GNL3L: variants seen among roughly 807,000 people sequenced by gnomAD.
The protein encoded by GNL3L is guanine nucleotide-binding protein-like 3-like protein.
GNL3L carries 4 observed loss-of-function variants against 42.9 expected under a neutral mutation model. The ratio of observed to expected loss-of-function variants is 0.09; its 90% CI spans 0.05 to 0.21. The LOEUF is 0.21. Ranked by LOEUF, GNL3L falls within the 10% of genes least tolerant of loss-of-function variation. GNL3L has a pLI of 1.00. For missense variants in GNL3L, 412 were observed against 481.7 expected, an observed-to-expected ratio of 0.86 and a Z score of 1.36; for synonymous variants, 159 against 176.3, an observed-to-expected ratio of 0.90 and a Z score of 0.78.
chrX:54,569,563 A>G (rs1370010828), downstream of GNL3L, among the ~76,000 whole-genome samples: 2 of 112,245 alleles, frequency 1.8e-5, no homozygotes, highest in Admixed American at 9.5e-5. Context: ...AATGTAGTCA[A>G]AGCAACTCTG....
intron 16 of GNL3L, among the ~76,000 whole-genome samples, chrX:54,572,688 C>T (rs1390096401): frequency 9.1e-6 from 1 of 109,435 alleles, no homozygotes; most frequent in Non-Finnish European, 1.9e-5. Context: ...GGGGGCTGAC[C>T]CCCCCCACCT....
chrX:54,622,487 G>A (rs185043607), downstream of GNL3L, among the ~76,000 whole-genome samples: 86 of 108,266 alleles, frequency 7.9e-4, no homozygotes, highest in African/African-American at 2.8e-3. Flanking sequence ...GTTTCACTAT[G>A]TTGGCCAGGC....
chrX:54,590,040 A>G (rs1182879037), intron 16 of GNL3L, among the ~76,000 whole-genome samples: 1 of 110,334 alleles, frequency 9.1e-6, no homozygotes, highest in African/African-American at 3.3e-5. Context: ...CCCAGGTTCA[A>G]GCGATTCTCC....
In GNL3L at chrX:54,566,925, C is replaced by G. The variant is rs775450426; in HGVS notation, c.*6323C>G. Among the ~76,000 whole-genome samples, 1 of 112,074 alleles carries G rather than the reference C, an allele frequency of 8.9e-6. No homozygotes were observed. Among genetic ancestry groups the G allele is most frequent in the South Asian group, 3.7e-4 (1 of 2,706 alleles). ...AGTAGCTGGGACCACAGGCATGTGC[C>G]ACCATGGCTGTTAAATTTATTAATT... On this transcript the variant is annotated 3_prime_UTR_variant, in exon 16 of 16. Transcript: ENST00000360845.
downstream of GNL3L, among the ~76,000 whole-genome samples, chrX:54,623,392 G>T (rs562304921): frequency 8.9e-6 from 1 of 111,808 alleles, no homozygotes; most frequent in Non-Finnish European, 1.9e-5. Context: ...AGCCTCCTGA[G>T]TAGCTGGGAT....
intron 2 of GNL3L, among the ~76,000 whole-genome samples, chrX:54,535,425 T>A (rs1374097045): frequency 8.9e-6 from 1 of 111,776 alleles, no homozygotes; most frequent in Non-Finnish European, 1.9e-5. Flanking sequence ...CTCTCTACCA[T>A]CTTATTTTAT....
intron 9 of GNL3L, among the ~76,000 whole-genome samples, chrX:54,549,680 T>G (rs1052334284): frequency 2.7e-5 from 3 of 112,141 alleles, no homozygotes; most frequent in African/African-American, 9.7e-5. Flanking sequence ...GTGCCACTGT[T>G]GAGATCCAGC....
chrX:54,631,080 T>A, the GNL3L span, among the ~76,000 whole-genome samples: 2 of 110,806 alleles, frequency 1.8e-5, no homozygotes, highest in African/African-American at 6.6e-5. Context: ...GTGCTGGGAT[T>A]ACAGGCATGA....
intron 5 of GNL3L, 76 bp downstream of exon 5, chrX:54,541,465 G>A (rs1308761453): frequency 6.8e-6 from 4 of 590,208 alleles, no homozygotes; most frequent in Non-Finnish European, 1.1e-5. Context: ...AGGGAAGAAG[G>A]TGTGAAGTTG....
At position 54,566,974 on chromosome X, in the gene GNL3L, T is replaced by C. The variant is rs996773536; in HGVS notation, c.*6372T>C. 3.6e-5 allele frequency among the ~76,000 whole-genome samples: 4 copies of C among 112,188 alleles called. No homozygotes were observed. The highest frequency in any genetic ancestry group is 1.3e-4 in the African/African-American group (4 of 30,849). On this transcript the variant is annotated 3_prime_UTR_variant, in exon 16 of 16. Transcript: ENST00000360845. ...TTTGTTTTTCTATGGATCATGCTTTTTGTGTTACATCAGAGGAGTCTTTGC... is the reference window on the plus strand; with the variant it reads ...TTTGTTTTTCTATGGATCATGCTTTCTGTGTTACATCAGAGGAGTCTTTGC...
rs1318224566 is a variant in GNL3L, at chrX:54,566,030, A to G, written c.*5428A>G. 9.1e-6 allele frequency among the ~76,000 whole-genome samples: 1 copy of G among 110,041 alleles called. No individual in the cohort carries two copies. ...GAGACAAGGTTTCACCATGTTGGCA[A>G]GGCTGGTCTTGAACTCTGGACCTCA... On this transcript the variant is annotated 3_prime_UTR_variant, in exon 16 of 16. Coordinates refer to ENST00000360845, the MANE Select transcript of GNL3L (RefSeq NM_001184819.2).
intron 16 of GNL3L, among the ~76,000 whole-genome samples, chrX:54,611,507 G>C (rs1926160925): frequency 9.0e-6 from 1 of 111,435 alleles, no homozygotes; most frequent in African/African-American, 3.3e-5. Flanking sequence ...TTTCCTCTTA[G>C]CGTTGCCTTT....
rs763696653 is a variant in GNL3L at position 54,539,070 on chromosome X, G to A, written c.50G>A (p.Gly17Asp). Residue 17 changes from glycine (G) to aspartate (D), a missense_variant, in exon 3 of 16, where the codon GGC (glycine) becomes GAC (aspartate). Gly to Asp is a moderately conservative substitution (Grantham distance 94, BLOSUM62 -1). Coordinates refer to ENST00000360845, the MANE Select transcript of GNL3L (RefSeq NM_001184819.2). Reference protein sequence around the residue: ...KNKKPGEGSKGHKKISWPYPQ... With the variant: ...KNKKPGEGSKDHKKISWPYPQ... ...AAAAAGCCAGGTGAAGGTTCCAAGG[G>A]CCACAAGAAGATAAGTTGGCCCTAC... 8.6e-7 allele frequency: 1 copy of A among 1,162,243 alleles called. No homozygotes were observed. The highest frequency in any genetic ancestry group is 1.9e-5 in the South Asian group (1 of 54,027).
chrX:54,570,171 T>C (rs1331030598), downstream of GNL3L, among the ~76,000 whole-genome samples: 1 of 111,872 alleles, frequency 8.9e-6, no homozygotes, highest in Non-Finnish European at 1.9e-5. Flanking sequence ...CCAATGATAA[T>C]TGTGGATTTG....
Position 54,554,599 on chromosome X carries a change from T to C in GNL3L, c.1353T>C (p.Gly451=), listed in dbSNP as rs745958114. The C allele has an allele frequency of 1.7e-6, 2 of 1,202,614 alleles. No homozygotes were observed. Among genetic ancestry groups the C allele is most frequent in the South Asian group, 3.5e-5 (2 of 56,638 alleles). Residue 451 remains glycine, a synonymous_variant, in exon 14 of 16, where the codon GGT becomes GGC. Coordinates refer to ENST00000360845, the MANE Select transcript of GNL3L (RefSeq NM_001184819.2). The part of the protein sequence containing the change: ...LATGESDELL[G]DTDPLEMEIK... ...CCGGAGAATCTGATGAGCTGTTGGG[T>C]GACACGGACCCACTTGAAATGGAGA...
chrX:54,590,653 G>C (rs932585917), intron 16 of GNL3L, among the ~76,000 whole-genome samples: 1 of 111,308 alleles, frequency 9.0e-6, no homozygotes, highest in African/African-American at 3.3e-5. Flanking sequence ...TGCTTTGGTT[G>C]CCTGTACTTA....
Position 54,541,973 on chromosome X carries a change from C to G in GNL3L, c.306+584C>G, listed in dbSNP as rs186358830. ...CACACTCAGGTCTCCACCTGGTGCT[C>G]GAGCACACGTATACACATAGGCGCA... is the stretch of plus-strand genomic sequence containing the variant. On this transcript the variant is annotated intron_variant, in intron 5 of 15. Coordinates refer to ENST00000360845, the MANE Select transcript of GNL3L (RefSeq NM_001184819.2). Among the ~76,000 whole-genome samples the G allele has an allele frequency of 2.4e-4, 27 of 111,235 alleles. No homozygotes were observed. The South Asian group carries it at 5.0e-3, about 20-fold the overall frequency.
chrX:54,567,404 T>C, downstream of GNL3L, among the ~76,000 whole-genome samples: 1 of 110,384 alleles, frequency 9.1e-6, no homozygotes, highest in South Asian at 3.9e-4. Context: ...CCCAGCGCTT[T>C]GGGAGGCTGA....
intron 16 of GNL3L, among the ~76,000 whole-genome samples, chrX:54,607,141 GTC>G (rs199885445): frequency 1.9e-4 from 7 of 37,393 alleles, no homozygotes; most frequent in Admixed American, 9.9e-4. Flanking sequence ...TTCTTTCTTT[GTC>G]TCTCTCTCTC....
Sources: gnomAD v4.1 joint callset for allele counts (sites outside exome capture counted in the v4.1 genomes callset) on GRCh38, gnomAD v4.1.1 for gene constraint, MANE v1.5 for transcripts, NCBI Gene and HGNC (gene_info 2026-07-23, HGNC 2026-07-21) for gene names.